AAGAB: variants seen among roughly 807,000 people sequenced by gnomAD.
AAGAB encodes alpha and gamma adaptin binding protein.
A neutral mutation model predicts 44.1 loss-of-function variants in AAGAB; 38 were observed. The observed-to-expected ratio is 0.86, with a 90% CI of 0.67 to 1.13. The LOEUF is 1.13. Ranked by LOEUF, AAGAB falls within the 50% of genes most tolerant of loss-of-function variation. The probability of loss-of-function intolerance (pLI) is 0.00; values close to 1 mark genes in which losing one functional copy is unlikely to be tolerated. For synonymous variants in AAGAB, 131 were observed against 131.8 expected (o/e 0.99, Z 0.04); for missense variants, 450 against 373.8 (o/e 1.20, Z -1.68).
intron 1 of AAGAB, among the ~76,000 whole-genome samples, chr15:67,247,325 C>T (rs1964751269): frequency 6.6e-6 from 1 of 152,122 alleles, no homozygotes; most frequent in South Asian, 2.1e-4. Context: ...TATCAGATTG[C>T]ATTATTTGTT....
chr15:67,234,909 T>C (rs917748276), intron 4 of AAGAB, among the ~76,000 whole-genome samples: 5 of 152,336 alleles, frequency 3.3e-5, no homozygotes, highest in African/African-American at 9.6e-5. Flanking sequence ...TGTTCTCTTC[T>C]TCTCCAGCAG....
rs926263942 is a variant in AAGAB at position 67,242,152 on chromosome 15, G to A, written c.74-5332C>T. ...TAAAAATCATATCGGGGCCGGGCGC[G>A]GTGGCTCACGCCTGTAATCCCAGCA... is the stretch of plus-strand genomic sequence containing the variant. On this transcript the variant is annotated intron_variant, in intron 1 of 9. Coordinates refer to ENST00000261880, the MANE Select transcript of AAGAB (RefSeq NM_024666.5). 2.4e-4 allele frequency among the ~76,000 whole-genome samples: 23 copies of A among 94,688 alleles called. 1 individual carries two copies. The highest frequency in any genetic ancestry group is 5.2e-4 in the Non-Finnish European group (21 of 40,454). 62.1% of individuals were successfully genotyped at this position (94,688 alleles called of 152,430 possible).
intron 1 of AAGAB, among the ~76,000 whole-genome samples, chr15:67,241,555 G>A (rs1267922128): frequency 6.6e-6 from 1 of 151,898 alleles, no homozygotes; most frequent in African/African-American, 2.4e-5. Flanking sequence ...GAAGAGCATG[G>A]AAAATAGACA....
At chr15:67,209,439 A>G in intron 6 of AAGAB, 23 bp downstream of exon 6, 1 of 1,596,364 alleles carries the variant, frequency 6.3e-7, no homozygotes, top group Non-Finnish European at 8.6e-7. Context: ...AAGAGGGAAA[A>G]AAGATCCAAG....
intron 5 of AAGAB, among the ~76,000 whole-genome samples, chr15:67,214,438 T>C (rs1963894005): frequency 6.6e-6 from 1 of 152,218 alleles, no homozygotes; most frequent in Non-Finnish European, 1.5e-5. Flanking sequence ...TCAGTATTAT[T>C]GACATTTCCA....
intron 4 of AAGAB, chr15:67,232,534 C>A: frequency 2.6e-6 from 1 of 385,250 alleles, no homozygotes; most frequent in Non-Finnish European, 5.2e-6. Flanking sequence ...GTCCTTCACC[C>A]CGGGAAGGCA....
At chr15:67,208,412 C>T (rs1963733051) in intron 7 of AAGAB, 150 bp downstream of exon 7, 4 of 595,632 alleles carry the variant, frequency 6.7e-6, no homozygotes, top group Non-Finnish European at 3.0e-6. Flanking sequence ...TTCTGATAGC[C>T]ACTGGCAAGG....
intron 4 of AAGAB, 64 bp downstream of exon 4, chr15:67,235,915 C>T: frequency 3.2e-6 from 4 of 1,242,322 alleles, no homozygotes; most frequent in Non-Finnish European, 4.6e-6. Context: ...GATTCTTCTT[C>T]CCTGAATTAA....
chr15:67,219,013 C>T (rs775980387), intron 5 of AAGAB, among the ~76,000 whole-genome samples: 1 of 152,180 alleles, frequency 6.6e-6, no homozygotes, highest in African/African-American at 2.4e-5. Flanking sequence ...CATGAGAAGT[C>T]GTACCTTTAA....
At chr15:67,216,489 C>A (rs1595986955) in intron 5 of AAGAB, among the ~76,000 whole-genome samples, 2 of 137,958 alleles carry the variant, frequency 1.4e-5, no homozygotes, top group Admixed American at 7.4e-5. Flanking sequence ...ATTAAATCAC[C>A]AAAGATACGA....
intron 5 of AAGAB, among the ~76,000 whole-genome samples, chr15:67,231,065 G>T (rs1964323029): frequency 6.6e-6 from 1 of 151,816 alleles, no homozygotes; most frequent in Non-Finnish European, 1.5e-5. Flanking sequence ...TTTGAGACAG[G>T]GTCTTTCTCT....
chr15:67,250,683 C>T (rs1404947659), intron 1 of AAGAB, among the ~76,000 whole-genome samples: 1 of 152,128 alleles, frequency 6.6e-6, no homozygotes, highest in African/African-American at 2.4e-5. Flanking sequence ...GCTCTCATAT[C>T]GTGTATTACA....
chr15:67,200,842 A>G lies in AAGAB; in HGVS notation c.*1979T>C, dbSNP rs1963555381. ...CCATATGTCCCTAGAAGAGGCCAAT[A>G]TCCCTGCATAGCTGAGGTCTTAAAA... is the stretch of plus-strand genomic sequence containing the variant. On this transcript the variant is annotated 3_prime_UTR_variant, in exon 10 of 10. Coordinates refer to ENST00000261880, the MANE Select transcript of AAGAB (RefSeq NM_024666.5). Among the ~76,000 whole-genome samples, 1 of 152,232 alleles carries G rather than the reference A, an allele frequency of 6.6e-6. No individual in the cohort carries two copies. Among genetic ancestry groups the G allele is most frequent in the East Asian group, 1.9e-4 (1 of 5,204 alleles).
rs1329709757 is a variant in AAGAB, at chr15:67,236,684, A to G, written c.210T>C (p.Thr70=). Reference sequence around the variant, plus strand: ...CTTGGACAGATTCTGCAATCTCTGCAGTAACAAGAAATTTGTTTGGCACCA... The same window carrying G: ...CTTGGACAGATTCTGCAATCTCTGCGGTAACAAGAAATTTGTTTGGCACCA... ...LCVVPNKFLV[T]AEIAESVQAF... Residue 70 remains threonine, a synonymous_variant, in exon 2 of 10, where the codon ACT becomes ACC. Coordinates refer to ENST00000261880, the MANE Select transcript of AAGAB (RefSeq NM_024666.5). 1 of 1,614,164 alleles carries G rather than the reference A, an allele frequency of 6.2e-7. No homozygotes were observed. The highest frequency in any genetic ancestry group is 2.2e-5 in the East Asian group (1 of 44,876).
intron 1 of AAGAB, among the ~76,000 whole-genome samples, chr15:67,249,892 T>C (rs967926294): frequency 6.6e-6 from 1 of 152,188 alleles, no homozygotes; most frequent in African/African-American, 2.4e-5. Context: ...CCAAACTAAA[T>C]GTGAAAACAT....
intron 5 of AAGAB, among the ~76,000 whole-genome samples, chr15:67,222,986 T>A (rs796763268): frequency 1.4e-4 from 21 of 152,354 alleles, no homozygotes; most frequent in African/African-American, 5.1e-4. Context: ...ACTTGACCTA[T>A]GAGCAGCATT....
intron 5 of AAGAB, among the ~76,000 whole-genome samples, chr15:67,219,647 G>A (rs1434776751): frequency 6.6e-6 from 1 of 152,106 alleles, no homozygotes; most frequent in Non-Finnish European, 1.5e-5. Flanking sequence ...AGTAGACACT[G>A]AGACTTCAAA....
chr15:67,221,234 T>A (rs1397062156), intron 5 of AAGAB: 3 of 152,246 alleles, frequency 2.0e-5, no homozygotes, highest in African/African-American at 7.2e-5. Flanking sequence ...TGAAAGCTAG[T>A]AACAAGGTAG....
chr15:67,228,678 T>C (rs1286898855), intron 5 of AAGAB, among the ~76,000 whole-genome samples: 1 of 152,196 alleles, frequency 6.6e-6, no homozygotes, highest in African/African-American at 2.4e-5. Flanking sequence ...TGAATGTGTA[T>C]GTTCATCACA....
Sources: gnomAD v4.1 joint callset for allele counts (sites outside exome capture counted in the v4.1 genomes callset) on GRCh38, gnomAD v4.1.1 for gene constraint, MANE v1.5 for transcripts, NCBI Gene and HGNC (gene_info 2026-07-23, HGNC 2026-07-21) for gene names.